Variants in TENM4 observed in about 807,000 individuals in gnomAD.
TENM4 encodes the protein teneurin-4.
In TENM4, 82 loss-of-function variants were observed where a neutral mutation model predicts 243.3. That is an observed-to-expected ratio of 0.34 (90% CI 0.28 to 0.40). TENM4 has a LOEUF of 0.40. Among genes scored for constraint, TENM4 ranks in the 10% least tolerant of loss-of-function variants. The pLI, the probability that TENM4 is intolerant of heterozygous loss-of-function variation, is 1.00. For synonymous variants in TENM4, 1,412 were observed against 1,456.3 expected (o/e 0.97, Z 0.69); for missense variants, 3,138 against 3,673.3 (o/e 0.85, Z 3.77).
intron 1 of TENM4, among the ~76,000 whole-genome samples, chr11:79,316,185 G>A (rs779079626): frequency 6.6e-6 from 1 of 152,086 alleles, no homozygotes; most frequent in African/African-American, 2.4e-5. Flanking sequence ...AGAAATGAGG[G>A]TTATAGGTTG....
At chr11:79,261,889 A>G (rs1855805217) in intron 2 of TENM4, among the ~76,000 whole-genome samples, 1 of 152,168 alleles carries the variant, frequency 6.6e-6, no homozygotes, top group African/African-American at 2.4e-5. Context: ...TTGGTTTCTT[A>G]TAACCTCTGG....
chr11:79,029,012 A>C (rs1233282290), intron 6 of TENM4, among the ~76,000 whole-genome samples: 1 of 152,162 alleles, frequency 6.6e-6, no homozygotes, highest in Non-Finnish European at 1.5e-5. Flanking sequence ...ATTTCAATAA[A>C]TTCTCATCTT....
intron 4 of TENM4, among the ~76,000 whole-genome samples, chr11:79,113,377 C>T (rs1861547099): frequency 1.5e-5 from 2 of 135,072 alleles, no homozygotes; most frequent in South Asian, 4.7e-4. Context: ...GAGTTACTCC[C>T]CCGCCTATTG....
At chr11:79,142,319 G>C (rs911704271) in intron 4 of TENM4, among the ~76,000 whole-genome samples, 3 of 151,574 alleles carry the variant, frequency 2.0e-5, no homozygotes, top group African/African-American at 7.3e-5. Flanking sequence ...ATATCAGTAG[G>C]ATTTCTATAT....
Position 79,069,746 on chromosome 11 carries a change from C to T in TENM4, c.199G>A (p.Glu67Lys), listed in dbSNP as rs1435117297. 1.3e-6 allele frequency: 2 copies of T among 1,550,990 alleles called. No homozygotes were observed. The highest frequency in any genetic ancestry group is 1.4e-5 in the African/African-American group (1 of 73,070). The change falls in exon 5 of 34, where the codon GAG (glutamate) becomes AAG (lysine). Residue 67 changes from glutamate to lysine, a missense_variant. Coordinates refer to ENST00000278550, the MANE Select transcript of TENM4 (RefSeq NM_001098816.3). ...GSRVKDIVPQ[E>K]AEEFCRTGAN... ...CCTGTGCGGCAGAATTCCTCGGCCT[C>T]CTGCGGCACAATGTCCTTGACGCGG...
At chr11:78,840,414 A>G (rs1462321375) in intron 12 of TENM4, among the ~76,000 whole-genome samples, 1 of 152,236 alleles carries the variant, frequency 6.6e-6, no homozygotes, top group Admixed American at 6.5e-5. Flanking sequence ...GAACATGAGC[A>G]TTGCTTAGAT....
At chr11:79,200,953 T>C (rs546472909) in intron 3 of TENM4, among the ~76,000 whole-genome samples, 1 of 152,322 alleles carries the variant, frequency 6.6e-6, no homozygotes, top group East Asian at 1.9e-4. Flanking sequence ...AAAGTATGCT[T>C]GAAGGATGAA....
At chr11:78,937,871 C>T (rs569246073) in intron 6 of TENM4, among the ~76,000 whole-genome samples, 1 of 152,312 alleles carries the variant, frequency 6.6e-6, no homozygotes, top group South Asian at 2.1e-4. Context: ...AGCTAACCTC[C>T]TCTGCTCAGC....
chr11:78,947,204 G>T (rs918639331), intron 6 of TENM4, among the ~76,000 whole-genome samples: 2 of 152,208 alleles, frequency 1.3e-5, no homozygotes, highest in African/African-American at 4.8e-5. Context: ...CGTACACAGT[G>T]ACCACACACC....
At chr11:79,216,479 G>A (rs918446325) in intron 2 of TENM4, among the ~76,000 whole-genome samples, 1 of 152,198 alleles carries the variant, frequency 6.6e-6, no homozygotes, top group Non-Finnish European at 1.5e-5. Context: ...TTGCTGCTAT[G>A]GTCTGAGTGT....
At chr11:78,859,808 A>G (rs557990325) in intron 10 of TENM4, among the ~76,000 whole-genome samples, 2 of 152,348 alleles carry the variant, frequency 1.3e-5, no homozygotes, top group Non-Finnish European at 2.9e-5. Flanking sequence ...GGTTCAAACT[A>G]ATGGGCAATT....
chr11:78,805,988 C>T (rs943796143), intron 14 of TENM4, among the ~76,000 whole-genome samples: 5 of 152,070 alleles, frequency 3.3e-5, no homozygotes, highest in Non-Finnish European at 7.4e-5. Flanking sequence ...TTGATATGAA[C>T]TTTCAAACTT....
At chr11:79,429,375 G>A (rs1347558967) in intron 1 of TENM4, among the ~76,000 whole-genome samples, 3 of 152,124 alleles carry the variant, frequency 2.0e-5, no homozygotes, top group Non-Finnish European at 4.4e-5. Context: ...ACCGGACTGT[G>A]CTGACAGGGT....
intron 20 of TENM4, among the ~76,000 whole-genome samples, chr11:78,737,867 A>C (rs1347206248): frequency 6.6e-6 from 1 of 152,232 alleles, no homozygotes; most frequent in Non-Finnish European, 1.5e-5. Flanking sequence ...CCCATTCACC[A>C]TATCTTCTAA....
intron 29 of TENM4, among the ~76,000 whole-genome samples, chr11:78,685,132 T>G (rs1277559261): frequency 6.6e-6 from 1 of 152,218 alleles, no homozygotes; most frequent in East Asian, 1.9e-4. Flanking sequence ...TTTTTCTGCC[T>G]TTGAACAGTG....
intron 3 of TENM4, among the ~76,000 whole-genome samples, chr11:79,203,320 A>G (rs935543853): frequency 6.6e-6 from 1 of 152,244 alleles, no homozygotes; most frequent in Admixed American, 6.5e-5. Context: ...AAGTGTTTAT[A>G]GCAACATTAT....
chr11:79,250,435 C>T (rs1855590693), intron 2 of TENM4, among the ~76,000 whole-genome samples: 1 of 152,244 alleles, frequency 6.6e-6, no homozygotes, highest in African/African-American at 2.4e-5. Flanking sequence ...CATCTAGTGA[C>T]TTTGAATCCT....
chr11:79,325,057 A>G (rs915929305), intron 1 of TENM4, among the ~76,000 whole-genome samples: 9 of 152,098 alleles, frequency 5.9e-5, no homozygotes, highest in African/African-American at 1.7e-4. Context: ...GCCCTCCCCC[A>G]TCTACCAGGA....
intron 3 of TENM4, among the ~76,000 whole-genome samples, chr11:79,155,046 C>T (rs1862575821): frequency 6.6e-6 from 1 of 152,198 alleles, no homozygotes. Context: ...GCTCTCCCTT[C>T]CTTTCCCCTG....
Sources: gnomAD v4.1 joint callset for allele counts (sites outside exome capture counted in the v4.1 genomes callset) on GRCh38, gnomAD v4.1.1 for gene constraint, MANE v1.5 for transcripts, NCBI Gene and HGNC (gene_info 2026-07-23, HGNC 2026-07-21) for gene names.